The following ZNF609 variants were observed in gnomAD, a reference collection of about 807,000 sequenced individuals.
ZNF609 encodes the protein zinc finger protein 609.
A neutral mutation model predicts 109.5 loss-of-function variants in ZNF609; 11 were observed. The observed-to-expected ratio is 0.10, with a 90% CI of 0.06 to 0.17. The LOEUF (loss-of-function observed/expected upper bound fraction) is 0.17. Ranked by LOEUF, ZNF609 falls within the 10% of genes least tolerant of loss-of-function variation. The probability of loss-of-function intolerance (pLI) is 1.00; values close to 1 mark genes in which losing one functional copy is unlikely to be tolerated. For synonymous variants in ZNF609, 646 were observed against 662.0 expected, an observed-to-expected ratio of 0.98 and a Z score of 0.37; for missense variants, 1,559 against 1,772.4, an observed-to-expected ratio of 0.88 and a Z score of 2.16.
chr15:64,666,958 T>G (rs1049132539), intron 3 of ZNF609, among the ~76,000 whole-genome samples: 2 of 152,112 alleles, frequency 1.3e-5, no homozygotes, highest in Non-Finnish European at 2.9e-5. Context: ...AAACCCTGTC[T>G]CTACTAAAAA....
intron 1 of ZNF609, among the ~76,000 whole-genome samples, chr15:64,481,384 G>A (rs866587449): frequency 6.8e-6 from 1 of 147,742 alleles, no homozygotes; most frequent in African/African-American, 2.5e-5. Flanking sequence ...GCAATGGCGC[G>A]ATCTCGGCTC....
intron 3 of ZNF609, among the ~76,000 whole-genome samples, chr15:64,655,718 T>A (rs1377345232): frequency 6.6e-6 from 1 of 151,930 alleles, no homozygotes; most frequent in African/African-American, 2.4e-5. Flanking sequence ...TAATCCCAGC[T>A]ACATGGGAGG....
intron 2 of ZNF609, among the ~76,000 whole-genome samples, chr15:64,591,247 G>A (rs1267038463): frequency 6.6e-6 from 1 of 152,108 alleles, no homozygotes; most frequent in African/African-American, 2.4e-5. Context: ...GGCCAACATG[G>A]TGAAACCCCG....
intron 3 of ZNF609, among the ~76,000 whole-genome samples, chr15:64,644,820 T>G (rs764034911): frequency 6.6e-6 from 1 of 152,190 alleles, no homozygotes; most frequent in East Asian, 1.9e-4. Flanking sequence ...GGCAATCATC[T>G]ACTAAGTCAC....
rs150167900 is a variant in ZNF609, at chr15:64,598,168, G to A, written c.748-24659G>A. Among the ~76,000 whole-genome samples the A allele has an allele frequency of 2.4e-3, 367 of 152,324 alleles. 2 individuals carry two copies. The highest frequency in any genetic ancestry group is 8.5e-3 in the African/African-American group (354 of 41,586). On this transcript the variant is annotated intron_variant, in intron 2 of 9. Transcript: ENST00000326648. ...CTCGCTCTGTCACCCAGGCTGGAGTGCAGTGGCACGGTCTCAGCTCACTGC... is the reference window on the plus strand; with the variant it reads ...CTCGCTCTGTCACCCAGGCTGGAGTACAGTGGCACGGTCTCAGCTCACTGC...
rs146493552 is a variant in ZNF609 at position 64,571,095 on chromosome 15, A to T, written c.748-51732A>T. On this transcript the variant is annotated intron_variant, in intron 2 of 9. Coordinates refer to ENST00000326648, the MANE Select transcript of ZNF609 (RefSeq NM_015042.2). ...TTTTTCTTTTTAAAAGTCCATGCTG[A>T]TGCTAGACGTAAGAGATGATTTGCA... Among the ~76,000 whole-genome samples, 43 of 152,344 alleles carry T rather than the reference A, an allele frequency of 2.8e-4. No individual in the cohort carries two copies. The East Asian group carries it at 7.9e-3, about 28-fold the overall frequency.
intron 2 of ZNF609, among the ~76,000 whole-genome samples, chr15:64,581,546 T>C (rs1895105522): frequency 6.6e-6 from 1 of 152,100 alleles, no homozygotes; most frequent in African/African-American, 2.4e-5. Flanking sequence ...CAGATATAGA[T>C]AACCTTGCAA....
At chr15:64,669,014 A>G (rs973570057) in intron 3 of ZNF609, among the ~76,000 whole-genome samples, 15 of 151,912 alleles carry the variant, frequency 9.9e-5, no homozygotes, top group African/African-American at 3.6e-4. Context: ...TATATAAAAC[A>G]TAATTTTTCT....
intron 2 of ZNF609, among the ~76,000 whole-genome samples, chr15:64,504,298 G>T (rs1382614605): frequency 6.6e-6 from 1 of 152,168 alleles, no homozygotes; most frequent in East Asian, 1.9e-4. Flanking sequence ...TCATTTTATA[G>T]AAGAAACTAA....
intron 2 of ZNF609, among the ~76,000 whole-genome samples, chr15:64,549,318 G>T (rs187393700): frequency 9.6e-4 from 146 of 152,162 alleles, no homozygotes; most frequent in Non-Finnish European, 1.3e-3. Context: ...AGCCTCCAGA[G>T]TAGCTGGGAT....
At chr15:64,637,352 C>A (rs1172401961) in intron 3 of ZNF609, among the ~76,000 whole-genome samples, 1 of 152,122 alleles carries the variant, frequency 6.6e-6, no homozygotes, top group African/African-American at 2.4e-5. Context: ...TGTGAAAATT[C>A]TTGTACATGT....
intron 2 of ZNF609, among the ~76,000 whole-genome samples, chr15:64,541,288 G>A (rs1181190278): frequency 4.0e-5 from 6 of 148,330 alleles, no homozygotes; most frequent in Non-Finnish European, 6.0e-5. Context: ...TTGGCCGGGC[G>A]TGGTGTCGGG....
At chr15:64,679,671 AGTGCTCGCCC>A (rs1255373861) in intron 6 of ZNF609, among the ~76,000 whole-genome samples, 2 of 152,352 alleles carry the variant, frequency 1.3e-5, no homozygotes, top group African/African-American at 4.8e-5. Context: ...GCATTTGTTG[AGTGCTCGCCC>A]TGAGCCAGGC....
intron 1 of ZNF609, among the ~76,000 whole-genome samples, chr15:64,490,005 C>T (rs181266059): frequency 3.7e-4 from 57 of 152,240 alleles, no homozygotes; most frequent in Admixed American, 3.0e-3. Context: ...GTCACCCAGG[C>T]GGGAGTGCAG....
intron 2 of ZNF609, 195 bp downstream of exon 2, chr15:64,500,361 C>T (rs1318076201): frequency 1.2e-6 from 1 of 803,372 alleles, no homozygotes; most frequent in Non-Finnish European, 2.1e-6. Flanking sequence ...TCATTTACAG[C>T]AGGCCTGGAC....
chr15:64,680,219 A>G lies in ZNF609; in HGVS notation c.3804A>G (p.Pro1268=). Residue 1268 remains proline, a synonymous_variant, in exon 7 of 10, where the codon CCA becomes CCG. Coordinates refer to ENST00000326648, the MANE Select transcript of ZNF609 (RefSeq NM_015042.2). ...TGCCTTCCAGCTACTCTTTTTCCCC[A>G]TATGGCAGCAAGGTCTCAGGTGGTG... The part of the protein sequence containing the change: ...SYLPSSYSFS[P]YGSKVSGGED... 1 of 1,613,988 alleles carries G rather than the reference A, an allele frequency of 6.2e-7. No individual in the cohort carries two copies. The highest frequency in any genetic ancestry group is 8.5e-7 in the Non-Finnish European group (1 of 1,179,976).
intron 3 of ZNF609, among the ~76,000 whole-genome samples, chr15:64,630,617 G>A (rs896730519): frequency 4.0e-5 from 6 of 151,506 alleles, no homozygotes; most frequent in African/African-American, 1.5e-4. Context: ...CTGGAGCGTA[G>A]TGGTGTGATC....
At chr15:64,661,456 G>T (rs1402103425) in intron 3 of ZNF609, among the ~76,000 whole-genome samples, 2 of 152,154 alleles carry the variant, frequency 1.3e-5, no homozygotes, top group Non-Finnish European at 2.9e-5. Flanking sequence ...GTGCTAATCT[G>T]TACTTTACCC....
At chr15:64,606,910 G>C (rs1206751607) in intron 2 of ZNF609, among the ~76,000 whole-genome samples, 1 of 152,168 alleles carries the variant, frequency 6.6e-6, no homozygotes, top group Non-Finnish European at 1.5e-5. Context: ...TTGGGAGGCC[G>C]AGGCTGGCGG....
Sources: gnomAD v4.1 joint callset for allele counts (sites outside exome capture counted in the v4.1 genomes callset) on GRCh38, gnomAD v4.1.1 for gene constraint, MANE v1.5 for transcripts, NCBI Gene and HGNC (gene_info 2026-07-23, HGNC 2026-07-21) for gene names.